NAV3: variants seen among roughly 807,000 people sequenced by gnomAD.
NAV3 encodes neuron navigator 3, also known as pore membrane and/or filament interacting like protein 1.
NAV3 carries 87 observed loss-of-function variants against 244.7 expected under a neutral mutation model. That is an observed-to-expected ratio of 0.36 (90% confidence interval 0.30 to 0.42). The LOEUF (loss-of-function observed/expected upper bound fraction) is 0.42. Among genes scored for constraint, NAV3 ranks in the 20% least tolerant of loss-of-function variants. The pLI, the probability that NAV3 is intolerant of heterozygous loss-of-function variation, is 1.00. For missense variants in NAV3, 2,663 were observed against 2,893.3 expected, an observed-to-expected ratio of 0.92 and a Z score of 1.83; for synonymous variants, 1,126 against 1,042.2, an observed-to-expected ratio of 1.08 and a Z score of -1.55.
intron 1 of NAV3, among the ~76,000 whole-genome samples, chr12:77,934,462 C>G (rs967932323): frequency 6.6e-6 from 1 of 152,054 alleles, no homozygotes; most frequent in Non-Finnish European, 1.5e-5. Context: ...TTTGTGATTC[C>G]ATTCTCAGGT....
chr12:78,151,751 T>A (rs1957089404), intron 22 of NAV3, among the ~76,000 whole-genome samples: 3 of 151,754 alleles, frequency 2.0e-5, no homozygotes, highest in African/African-American at 7.3e-5. Context: ...CAATATTGTA[T>A]TCCTGGCTTT....
intron 2 of NAV3, among the ~76,000 whole-genome samples, chr12:77,766,792 C>T (rs1201994151): frequency 1.8e-5 from 2 of 111,120 alleles, no homozygotes; most frequent in African/African-American, 7.0e-5. Flanking sequence ...CTCGCTCTGT[C>T]ACCCAGGCTG....
At chr12:77,716,843 A>T (rs1876384420) in intron 2 of NAV3, among the ~76,000 whole-genome samples, 2 of 152,070 alleles carry the variant, frequency 1.3e-5, no homozygotes, top group Admixed American at 6.6e-5. Context: ...AGCTATCATG[A>T]ATATTAAATG....
chr12:77,980,192 T>G (rs1251025855), intron 5 of NAV3, among the ~76,000 whole-genome samples: 1 of 152,180 alleles, frequency 6.6e-6, no homozygotes, highest in Non-Finnish European at 1.5e-5. Flanking sequence ...AAAACCCAGA[T>G]AAGACAACCG....
chr12:78,152,476 C>G (rs1375287), intron 22 of NAV3, among the ~76,000 whole-genome samples: 38,440 of 151,462 alleles, frequency 0.25, 5,359 homozygotes, highest in South Asian at 0.42. Flanking sequence ...TTGAATTACT[C>G]TCAAGTCACC....
At chr12:78,011,380 G>T (rs1254430413) in intron 8 of NAV3, among the ~76,000 whole-genome samples, 1 of 151,998 alleles carries the variant, frequency 6.6e-6, no homozygotes, top group East Asian at 1.9e-4. Flanking sequence ...AGGGTAGTAA[G>T]AACAATATCA....
intron 1 of NAV3, among the ~76,000 whole-genome samples, chr12:77,925,348 T>C (rs1413263973): frequency 1.3e-5 from 2 of 152,182 alleles, no homozygotes; most frequent in African/African-American, 4.8e-5. Context: ...CATTATCTTA[T>C]ATTTGTATAT....
chr12:77,985,096 G>A (rs1479659472), intron 5 of NAV3, among the ~76,000 whole-genome samples: 3 of 152,142 alleles, frequency 2.0e-5, no homozygotes, highest in Admixed American at 6.6e-5. Flanking sequence ...GATTACAGGC[G>A]TGAGCCACCG....
intron 2 of NAV3, among the ~76,000 whole-genome samples, chr12:77,600,671 A>G (rs1870387067): frequency 6.6e-6 from 1 of 151,940 alleles, no homozygotes; most frequent in Non-Finnish European, 1.5e-5. Flanking sequence ...AAGGAAAAGC[A>G]TGTGTTTTAG....
chr12:77,990,775 A>G (rs1871309871), intron 5 of NAV3, among the ~76,000 whole-genome samples: 1 of 152,096 alleles, frequency 6.6e-6, no homozygotes, highest in South Asian at 2.1e-4. Context: ...ATTGGTTTTA[A>G]GTTCTTATAA....
At chr12:78,049,574 T>C (rs1021093913) in intron 9 of NAV3, among the ~76,000 whole-genome samples, 1 of 152,158 alleles carries the variant, frequency 6.6e-6, no homozygotes, top group Non-Finnish European at 1.5e-5. Context: ...ATGAGCCTGG[T>C]ACCTCAGTTG....
chr12:78,035,542 C>T (rs376142791), intron 9 of NAV3, among the ~76,000 whole-genome samples: 13 of 152,120 alleles, frequency 8.5e-5, no homozygotes, highest in African/African-American at 2.4e-4. Context: ...GAAATAAGAG[C>T]TGATTATGCT....
rs1168087876 is a variant in NAV3, at chr12:78,204,926, A to G, written c.6835-9A>G. 6.2e-7 allele frequency: 1 copy of G among 1,612,758 alleles called. No homozygotes were observed. Among genetic ancestry groups the G allele is most frequent in the Admixed American group, 1.7e-5 (1 of 59,842 alleles). The stretch of plus-strand genomic sequence containing the variant: ...TTATATATATCCTAAACGCGTGGTC[A>G]ACTTTTAGATGTATGGGAAACGCAC... On this transcript the variant is annotated splice_polypyrimidine_tract_variant and intron_variant, in intron 38 of 39. Transcript: ENST00000397909.
rs562607304 is a variant in NAV3 at position 77,957,774 on chromosome 12, C to T, written c.415-8455C>T. Among the ~76,000 whole-genome samples, 79 of 152,082 alleles carry T rather than the reference C, an allele frequency of 5.2e-4. 1 individual carries two copies. In the South Asian group the frequency reaches 0.013, roughly 26 times the overall value. ...TTGCCTCGCAGGTTCAAGTGATTCT[C>T]GTGCCTTAGCCTCCCTGGAGTAGCT... On this transcript the variant is annotated intron_variant, in intron 3 of 39. Coordinates refer to ENST00000397909, the MANE Select transcript of NAV3 (RefSeq NM_001024383.2).
intron 8 of NAV3, among the ~76,000 whole-genome samples, chr12:78,016,100 C>T (rs913391485): frequency 2.6e-5 from 4 of 151,960 alleles, no homozygotes; most frequent in East Asian, 3.9e-4. Flanking sequence ...GTTCTAGGCT[C>T]ATCTTGCACA....
chr12:77,630,231 T>C (rs77820853), intron 2 of NAV3, among the ~76,000 whole-genome samples: 14,245 of 152,028 alleles, frequency 0.094, 1,741 homozygotes, highest in African/African-American at 0.28. Context: ...ATTCCTCTCG[T>C]TGGTGGTGAG....
At chr12:77,994,279 G>T (rs1405356874) in intron 5 of NAV3, among the ~76,000 whole-genome samples, 1 of 152,186 alleles carries the variant, frequency 6.6e-6, no homozygotes, top group Non-Finnish European at 1.5e-5. Context: ...CTAGAGATCA[G>T]CAATAACTTA....
At chr12:77,719,919 C>T (rs770540) in intron 2 of NAV3, among the ~76,000 whole-genome samples, 146,771 of 152,248 alleles carry the variant, frequency 0.96, 70,789 homozygotes, top group East Asian at 1. Flanking sequence ...ATCTTGTTCT[C>T]GGCTTTTCTT....
At position 77,779,182 on chromosome 12, in the gene NAV3, A is replaced by G. The variant is rs939050301; in HGVS notation, c.73-161137A>G. 2.0e-5 allele frequency among the ~76,000 whole-genome samples: 3 copies of G among 152,198 alleles called. No homozygotes were observed. The South Asian group carries it at 6.2e-4, about 31-fold the overall frequency. On this transcript the variant is annotated intron_variant, in intron 2 of 8. Transcript: ENST00000550042. ...GGATAGATATTATGAAACCACTGAG[A>G]TTTGTGGTTTGGATTTGAAATTTTG...
Sources: allele counts gnomAD v4.1 joint callset (sites outside exome capture counted in the v4.1 genomes callset), GRCh38; gene constraint gnomAD v4.1.1; transcripts MANE v1.5; gene names NCBI Gene and HGNC (gene_info 2026-07-23, HGNC 2026-07-21).